SCARB2: variants seen among roughly 807,000 people sequenced by gnomAD.
SCARB2 encodes the protein lysosome membrane protein 2.
In SCARB2, 29 loss-of-function variants were observed where a neutral mutation model predicts 58.6. That is an observed-to-expected ratio of 0.49 (90% CI 0.37 to 0.67). The LOEUF (loss-of-function observed/expected upper bound fraction) is 0.67, where lower values mean the gene tolerates loss of function less well. SCARB2 is among the 30% of genes least tolerant of loss of function. The probability of loss-of-function intolerance (pLI) is 0.00; values close to 1 mark genes in which losing one functional copy is unlikely to be tolerated. For missense variants in SCARB2, 488 were observed against 578.5 expected (o/e 0.84, Z 1.60); for synonymous variants, 195 against 210.1 (o/e 0.93, Z 0.62).
chr4:76,229,878 A>C (rs1733463754), intron 1 of SCARB2, among the ~76,000 whole-genome samples: 1 of 152,210 alleles, frequency 6.6e-6, no homozygotes, highest in South Asian at 2.1e-4. Flanking sequence ...ATGATGTTGC[A>C]GGCAGTGAAA....
intron 6 of SCARB2, chr4:76,175,231 C>CT (rs1408116491): frequency 6.4e-6 from 1 of 155,388 alleles, no homozygotes; most frequent in Non-Finnish European, 1.4e-5. Context: ...ATAACTGAAC[C>CT]TGTCTACGTA....
At chr4:76,197,579 G>A (rs896367906) in intron 1 of SCARB2, among the ~76,000 whole-genome samples, 7 of 152,176 alleles carry the variant, frequency 4.6e-5, no homozygotes, top group Admixed American at 2.0e-4. Context: ...GTTACTCACC[G>A]TGGCAGTAGA....
Position 76,209,690 on chromosome 4 carries a change from G to A in SCARB2, c.117+3737C>T, listed in dbSNP as rs75760500. Among the ~76,000 whole-genome samples, 976 of 152,286 alleles carry A rather than the reference G, an allele frequency of 6.4e-3. 7 individuals are homozygous for A. The highest frequency in any genetic ancestry group is 0.022 in the African/African-American group (915 of 41,552). On this transcript the variant is annotated intron_variant, in intron 1 of 11. Transcript: ENST00000264896. The stretch of plus-strand genomic sequence containing the variant: ...CCTATATTTTACTTCTTGAGGAATC[G>A]GTAGAACAGCTCCAGAGTTTCTATG...
At position 76,195,759 on chromosome 4, in the gene SCARB2, T is replaced by A. The variant is rs1560716099; in HGVS notation, c.223A>T (p.Ile75Phe). 2.5e-6 allele frequency: 4 copies of A among 1,613,966 alleles called. No homozygotes were observed. The highest frequency in any genetic ancestry group is 3.4e-6 in the Non-Finnish European group (4 of 1,179,870). ...YFFNVTNPEE[I>F]LRGETPRVEE... ...ACCCGAGGGGTCTCCCCTCTGAGGA[T>A]CTCCTCTGGATTGGTGACATTGAAG... Residue 75 changes from isoleucine (I) to phenylalanine (F), a missense_variant, in exon 2 of 12, where the codon ATC becomes TTC. By Grantham distance (21) the Ile-to-Phe change is conservative. Transcript: ENST00000264896.
intron 1 of SCARB2, among the ~76,000 whole-genome samples, chr4:76,204,031 A>T (rs997564849): frequency 6.6e-6 from 1 of 152,164 alleles, no homozygotes; most frequent in African/African-American, 2.4e-5. Flanking sequence ...GCACAGTCTA[A>T]ATTCATCCAG....
At position 76,174,222 on chromosome 4, in the gene SCARB2, A is replaced by C; in HGVS notation, c.916T>G (p.Ser306Ala). The change falls in exon 7 of 12, where the codon TCA (serine) becomes GCA (alanine). Residue 306 changes from serine to alanine, a missense_variant. Physicochemically the swap from Ser to Ala is moderately conservative, Grantham distance 99. Transcript: ENST00000264896. ...GGTATACAGAAGCCGGCATTGTCTG[A>C]CGTATTGGCTAATATTTCTGCAGGA... is the stretch of plus-strand genomic sequence containing the variant. ...KVPAEILANTSDNAGFCIPEG... is the reference protein window; with the variant it reads ...KVPAEILANTADNAGFCIPEG... 2 of 1,614,208 alleles carry C rather than the reference A, an allele frequency of 1.2e-6. No homozygotes were observed. The highest frequency in any genetic ancestry group is 8.5e-7 in the Non-Finnish European group (1 of 1,180,038).
chr4:76,228,305 C>A (rs1023019064), intron 1 of SCARB2, among the ~76,000 whole-genome samples: 14 of 151,850 alleles, frequency 9.2e-5, no homozygotes, highest in Non-Finnish European at 2.9e-5. Context: ...CATGGTGAAA[C>A]CCCATCTCTA....
At position 76,222,227 on chromosome 4, in the gene SCARB2, C is replaced by T. The variant is rs1031752475; in HGVS notation, c.-358+12076G>A. ...ATCTGGGCATCATATTTCCTATCTT[C>T]TTTTTTTTTTTTTTTCTGAGACCGA... On this transcript the variant is annotated intron_variant, in intron 1 of 11. Coordinates refer to the SCARB2 transcript ENST00000638295. Among the ~76,000 whole-genome samples the T allele has an allele frequency of 2.6e-4, 38 of 143,990 alleles. 1 individual carries two copies. The highest frequency in any genetic ancestry group is 4.6e-5 in the Non-Finnish European group (3 of 65,304). 94.5% of individuals were successfully genotyped at this position (143,990 alleles called of 152,430 possible). A position where few individuals can be genotyped will look rare whatever the true frequency, so the allele number is the denominator to read the frequency against.
At position 76,163,284 on chromosome 4, in the gene SCARB2, C is replaced by G. The variant is rs1350213956; in HGVS notation, c.1339G>C (p.Val447Leu). ...CAGGTAAAAACCAAACCAAAGAACACACCCAGCGCCATGATGATGTAGGGT... is the reference window on the plus strand; with the variant it reads ...CAGGTAAAAACCAAACCAAAGAACAGACCCAGCGCCATGATGATGTAGGGT... ...NIPYIIMALG[V>L]FFGLVFTWLA... The change falls in exon 11 of 12, where the codon GTG becomes CTG. Residue 447 changes from valine (V) to leucine (L), a missense_variant. Coordinates refer to ENST00000264896, the MANE Select transcript of SCARB2 (RefSeq NM_005506.4). 7 of 1,614,078 alleles carry G rather than the reference C, an allele frequency of 4.3e-6. No individual in the cohort carries two copies. Among genetic ancestry groups the G allele is most frequent in the Non-Finnish European group, 5.9e-6 (7 of 1,180,032 alleles).
At chr4:76,223,425 G>A (rs77613217) in intron 1 of SCARB2, among the ~76,000 whole-genome samples, 8 of 152,162 alleles carry the variant, frequency 5.3e-5, no homozygotes, top group Non-Finnish European at 1.0e-4. Flanking sequence ...ATCAAAATTT[G>A]GCTGGGTACT....
At chr4:76,203,585 A>C (rs1012340118) in intron 1 of SCARB2, among the ~76,000 whole-genome samples, 3 of 152,256 alleles carry the variant, frequency 2.0e-5, no homozygotes, top group Non-Finnish European at 4.4e-5. Context: ...AAGAATCTTC[A>C]ACCAGCATAA....
chr4:76,177,936 A>T (rs191316137), intron 4 of SCARB2, among the ~76,000 whole-genome samples: 1 of 152,340 alleles, frequency 6.6e-6, no homozygotes, highest in East Asian at 1.9e-4. Context: ...GATAATGAAA[A>T]TGTTCTGGAA....
intron 1 of SCARB2, among the ~76,000 whole-genome samples, chr4:76,219,901 G>A (rs1355792862): frequency 6.6e-6 from 1 of 152,266 alleles, no homozygotes; most frequent in Admixed American, 6.5e-5. Context: ...CCTCAGAGAA[G>A]ACTGCTATTC....
rs548811222 is a variant in SCARB2 at position 76,161,167 on chromosome 4, T to C, written c.*546A>G. ...TCCTGGAAGAATTATGAACTGAAGATCAGCATAAAATGTAATATGTTTTAG... is the reference window on the plus strand; with the variant it reads ...TCCTGGAAGAATTATGAACTGAAGACCAGCATAAAATGTAATATGTTTTAG... On this transcript the variant is annotated 3_prime_UTR_variant, in exon 12 of 12. Transcript: ENST00000264896. The C allele has an allele frequency of 6.3e-6, 1 of 158,196 alleles. No homozygotes were observed. The highest frequency in any genetic ancestry group is 2.4e-5 in the African/African-American group (1 of 41,580). 9.8% of individuals were successfully genotyped at this position (158,196 alleles called of 1,614,324 possible). A position where few individuals can be genotyped will look rare whatever the true frequency, so the allele number is the denominator to read the frequency against.
At chr4:76,164,862 A>AT (rs1417637817) in intron 10 of SCARB2, 2 of 151,864 alleles carry the variant, frequency 1.3e-5, no homozygotes, top group East Asian at 1.9e-4. Context: ...GTTCTAAGAC[A>AT]TTTTTTCCAA....
chr4:76,232,596 C>T (rs116736579), intron 1 of SCARB2, among the ~76,000 whole-genome samples: 68 of 152,178 alleles, frequency 4.5e-4, no homozygotes, highest in African/African-American at 1.6e-3. Context: ...TTTAGAAAGT[C>T]CCATACAGTT....
At chr4:76,163,079 G>T in intron 11 of SCARB2, 146 bp downstream of exon 11, 2 of 1,009,374 alleles carry the variant, frequency 2.0e-6, no homozygotes, top group Non-Finnish European at 3.0e-6. Context: ...TGGTCCAGCA[G>T]TAAAATAAGC....
chr4:76,176,523 AT>A lies in SCARB2; in HGVS notation c.617del (p.Asn206MetfsTer11). The A allele has an allele frequency of 6.2e-7, 1 of 1,602,584 alleles. No individual in the cohort carries two copies. Among genetic ancestry groups the A allele is most frequent in the Non-Finnish European group, 8.5e-7 (1 of 1,170,778 alleles). On this transcript the variant is annotated frameshift_variant, in exon 5 of 12. Coordinates refer to ENST00000264896, the MANE Select transcript of SCARB2 (RefSeq NM_005506.4). LOFTEE classifies it high-confidence loss of function. The stretch of plus-strand genomic sequence containing the variant: ...AAACATAGTCTCCATCATTAGTCCC[AT>A]TTTTCTGAAAATATGTGAATATGAT... ...SPYFGLFYEK[N>X]GTNDGDYVFL...
chr4:76,213,463 C>T lies in SCARB2; in HGVS notation c.81G>A (p.Arg27=), dbSNP rs1481115543. Residue 27 remains arginine, a synonymous_variant, in exon 1 of 12, where the codon CGG becomes CGA. Transcript: ENST00000264896. ...LVTSVTLLVA[R]VFQKAVDQSI... is the part of the protein sequence containing the mutation. ...TCTGGTCTACAGCCTTCTGGAAGAC[C>T]CGGGCCACCAGCAGCGTGACGCTGG... The T allele has an allele frequency of 6.2e-7, 1 of 1,610,534 alleles. No homozygotes were observed. Among genetic ancestry groups the T allele is most frequent in the Non-Finnish European group, 8.5e-7 (1 of 1,178,504 alleles).
Sources: allele counts gnomAD v4.1 joint callset (sites outside exome capture counted in the v4.1 genomes callset), GRCh38; gene constraint gnomAD v4.1.1; transcripts MANE v1.5; gene names NCBI Gene and HGNC (gene_info 2026-07-23, HGNC 2026-07-21).